NUP155: variants seen among roughly 807,000 people sequenced by gnomAD.
NUP155 encodes the protein nucleoporin 155.
In NUP155, 71 loss-of-function variants were observed where a neutral mutation model predicts 180.4. The observed-to-expected ratio is 0.39, with a 90% CI of 0.33 to 0.48. The LOEUF (loss-of-function observed/expected upper bound fraction) is 0.48, where lower values mean the gene tolerates loss of function less well. Ranked by LOEUF, NUP155 falls within the 20% of genes least tolerant of loss-of-function variation. The pLI, the probability that NUP155 is intolerant of heterozygous loss-of-function variation, is 0.91. For missense variants in NUP155, 1,553 were observed against 1,648.9 expected (o/e 0.94, Z 1.01); for synonymous variants, 582 against 559.5 (o/e 1.04, Z -0.57).
At chr5:37,305,983 A>T (rs1484880771) in intron 25 of NUP155, among the ~76,000 whole-genome samples, 3 of 152,238 alleles carry the variant, frequency 2.0e-5, no homozygotes, top group East Asian at 1.9e-4. Flanking sequence ...TATTTGGCAG[A>T]ATAGATGTAC....
chr5:37,308,722 A>C (rs928526578), intron 24 of NUP155, among the ~76,000 whole-genome samples: 3 of 151,374 alleles, frequency 2.0e-5, no homozygotes, highest in African/African-American at 7.3e-5. Flanking sequence ...AAAATAAAAA[A>C]ATAAAAAATT....
chr5:37,320,657 T>C (rs1416603513), intron 20 of NUP155, among the ~76,000 whole-genome samples: 2 of 152,106 alleles, frequency 1.3e-5, no homozygotes, highest in African/African-American at 2.4e-5. Context: ...ACTGTAAAGA[T>C]AAATGAGTAA....
chr5:37,288,448 A>C lies in NUP155; in HGVS notation c.*3452T>G, dbSNP rs1742106558. On this transcript the variant is annotated 3_prime_UTR_variant, in exon 35 of 35. Coordinates refer to ENST00000231498, the MANE Select transcript of NUP155 (RefSeq NM_153485.3). Reference sequence around the variant, plus strand: ...ATCTCATAGCATAAACAGTTAGTCAAGATAGCTTTCTCTTTCCTAACCGTT... The same window carrying C: ...ATCTCATAGCATAAACAGTTAGTCACGATAGCTTTCTCTTTCCTAACCGTT... 3 of 152,216 alleles carry C rather than the reference A, an allele frequency of 2.0e-5. No individual in the cohort carries two copies. The South Asian group carries it at 6.2e-4, about 31-fold the overall frequency. 9.4% of individuals were successfully genotyped at this position (152,216 alleles called of 1,614,324 possible).
chr5:37,352,749 T>G lies in NUP155; in HGVS notation c.544A>C (p.Asn182His). 2 of 1,612,418 alleles carry G rather than the reference T, an allele frequency of 1.2e-6. No individual in the cohort carries two copies. Among genetic ancestry groups the G allele is most frequent in the Non-Finnish European group, 1.7e-6 (2 of 1,178,574 alleles). Reference protein sequence around the residue: ...DIVILGLSYANLQTGSGVLND... With the variant: ...DIVILGLSYAHLQTGSGVLND... ...TGGGTTGCCATACCTGTTTGCAAAT[T>G]AGCATAGCTGAGTCCAAGAATTACT... The change falls in exon 5 of 35, where the codon AAT (asparagine) becomes CAT (histidine). Residue 182 changes from asparagine (N) to histidine (H), a missense_variant. Coordinates refer to ENST00000231498, the MANE Select transcript of NUP155 (RefSeq NM_153485.3).
chr5:37,303,180 C>T (rs977858890), intron 28 of NUP155, 80 bp downstream of exon 28: 1 of 1,526,256 alleles, frequency 6.6e-7, no homozygotes, highest in African/African-American at 1.4e-5. Context: ...TTAGATTCTT[C>T]TAAAATTAAA....
intron 21 of NUP155, among the ~76,000 whole-genome samples, chr5:37,314,611 G>T (rs1743765168): frequency 6.6e-6 from 1 of 152,070 alleles, no homozygotes; most frequent in Admixed American, 6.6e-5. Context: ...GCCGAGGCAG[G>T]TGGATCATGA....
At chr5:37,353,378 T>C (rs1746596629) in intron 4 of NUP155, among the ~76,000 whole-genome samples, 1 of 150,970 alleles carries the variant, frequency 6.6e-6, no homozygotes, top group African/African-American at 2.4e-5. Context: ...AGGTCAGGAG[T>C]TTGAGACCAG....
At chr5:37,302,643 T>G in intron 29 of NUP155, 136 bp downstream of exon 29, 1 of 856,292 alleles carries the variant, frequency 1.2e-6, no homozygotes. Flanking sequence ...AACATAAAAA[T>G]AAATATAAAC....
intron 9 of NUP155, among the ~76,000 whole-genome samples, chr5:37,344,325 G>T (rs911436104): frequency 7.9e-6 from 1 of 127,072 alleles, no homozygotes; most frequent in Admixed American, 8.8e-5. Flanking sequence ...CTGGGTGACA[G>T]AGCAAAACTC....
intron 20 of NUP155, among the ~76,000 whole-genome samples, chr5:37,319,210 C>G (rs1308230405): frequency 6.6e-6 from 1 of 152,154 alleles, no homozygotes; most frequent in African/African-American, 2.4e-5. Flanking sequence ...AAAGTGACTG[C>G]TAATGGACAT....
chr5:37,342,577 G>A lies in NUP155; in HGVS notation c.1065C>T (p.Asp355=), dbSNP rs762773708. Residue 355 remains aspartate, a synonymous_variant, in exon 10 of 35, where the codon GAC becomes GAT. Transcript: ENST00000231498. ...CATGTGTGACAGCCAATAACTGACA[G>A]TCCAGTGATTCAGAATTTTCAATCA... ...IAVIENSESL[D]CQLLAVTHAG... is the part of the protein sequence containing the mutation. The A allele has an allele frequency of 1.9e-6, 3 of 1,611,174 alleles. No homozygotes were observed. The highest frequency in any genetic ancestry group is 1.3e-5 in the African/African-American group (1 of 74,834).
chr5:37,325,137 G>C (rs1744504991), intron 19 of NUP155, among the ~76,000 whole-genome samples: 1 of 152,158 alleles, frequency 6.6e-6, no homozygotes, highest in African/African-American at 2.4e-5. Context: ...GGCAACAAGA[G>C]TGAAACTGTG....
chr5:37,325,881 A>G lies in NUP155; in HGVS notation c.2091+20T>C. ...CAACTGGCTACACAAAAATAACAAA[A>G]TAATATTATACACACTTACTGCAGT... is the stretch of plus-strand genomic sequence containing the variant. On this transcript the variant is annotated intron_variant, in intron 19 of 34. Transcript: ENST00000231498. 6.5e-7 allele frequency: 1 copy of G among 1,527,282 alleles called. No homozygotes were observed. Among genetic ancestry groups the G allele is most frequent in the East Asian group, 2.3e-5 (1 of 44,336 alleles). The allele number at this position is 1,527,282 out of a possible 1,614,324, so 94.6% of individuals were successfully genotyped here.
At chr5:37,362,724 T>C (rs1486365631) in intron 3 of NUP155, among the ~76,000 whole-genome samples, 2 of 152,218 alleles carry the variant, frequency 1.3e-5, no homozygotes, top group East Asian at 3.8e-4. Context: ...TATGTTATGG[T>C]AACATAACAA....
At chr5:37,336,241 GA>G (rs1430439825) in intron 12 of NUP155, among the ~76,000 whole-genome samples, 11 of 152,276 alleles carry the variant, frequency 7.2e-5, no homozygotes, top group African/African-American at 2.4e-4. Flanking sequence ...AGCAGTTTGG[GA>G]AGCCAAGGTG....
intron 9 of NUP155, among the ~76,000 whole-genome samples, chr5:37,343,323 C>T (rs1745863183): frequency 6.6e-6 from 1 of 152,128 alleles, no homozygotes; most frequent in African/African-American, 2.4e-5. Flanking sequence ...ATCCGCCTGC[C>T]TTGGCCTCCC....
Position 37,301,587 on chromosome 5 carries a change from T to C in NUP155, c.3448-37A>G, listed in dbSNP as rs777744769. ...AGAAAACAGGATGTCTTAATTTATTTATGATAAATCAACATACGTTTGAAA... is the reference window on the plus strand; with the variant it reads ...AGAAAACAGGATGTCTTAATTTATTCATGATAAATCAACATACGTTTGAAA... On this transcript the variant is annotated intron_variant, in intron 29 of 34. Transcript: ENST00000231498. 6 of 1,214,468 alleles carry C rather than the reference T, an allele frequency of 4.9e-6. No homozygotes were observed. In the South Asian group the frequency reaches 7.2e-5, roughly 15 times the overall value. 75.2% of individuals were successfully genotyped at this position (1,214,468 alleles called of 1,614,324 possible).
chr5:37,307,585 A>C (rs1449050117), intron 24 of NUP155, among the ~76,000 whole-genome samples, 153 bp from the exon 25 acceptor site: 2 of 152,222 alleles, frequency 1.3e-5, no homozygotes, highest in Non-Finnish European at 2.9e-5. Context: ...GGTCTTCAGA[A>C]GGAAAAGGTC....
chr5:37,327,976 C>G (rs759573284), intron 17 of NUP155, among the ~76,000 whole-genome samples, 200 bp from the exon 18 acceptor site: 2 of 152,002 alleles, frequency 1.3e-5, no homozygotes, highest in Non-Finnish European at 2.9e-5. Context: ...CTTGGTTTTC[C>G]TTAATAAGAA....
Sources: gnomAD v4.1 joint callset for allele counts (sites outside exome capture counted in the v4.1 genomes callset) on GRCh38, gnomAD v4.1.1 for gene constraint, MANE v1.5 for transcripts, NCBI Gene and HGNC (gene_info 2026-07-23, HGNC 2026-07-21) for gene names.